The following GOLM2 variants were observed in gnomAD, a reference collection of about 807,000 sequenced individuals.
The protein encoded by GOLM2 is protein GOLM2.
In GOLM2, 26 loss-of-function variants were observed where a neutral mutation model predicts 55.9. The ratio of observed to expected loss-of-function variants is 0.47; its 90% CI spans 0.34 to 0.65. The LOEUF is 0.65. GOLM2 is among the 30% of genes least tolerant of loss of function. The pLI is 0.01. For missense variants in GOLM2, 486 were observed against 531.8 expected (o/e 0.91, Z 0.85); for synonymous variants, 165 against 194.6 (o/e 0.85, Z 1.27).
At chr15:44,329,180 C>A (rs145578204) in intron 3 of GOLM2, among the ~76,000 whole-genome samples, 2 of 152,184 alleles carry the variant, frequency 1.3e-5, no homozygotes, top group Admixed American at 6.5e-5. Context: ...GACTGAGTGC[C>A]GGCTGCTCTT....
chr15:44,395,418 C>T (rs1351321685), intron 8 of GOLM2, among the ~76,000 whole-genome samples: 1 of 151,800 alleles, frequency 6.6e-6, no homozygotes, highest in African/African-American at 2.4e-5. Flanking sequence ...ACTTATAGTA[C>T]AGAATTAAAA....
intron 1 of GOLM2, among the ~76,000 whole-genome samples, chr15:44,311,687 T>A (rs1471442777): frequency 1.3e-5 from 2 of 152,108 alleles, no homozygotes; most frequent in African/African-American, 4.8e-5. Context: ...TCTCTCCCTG[T>A]CACCCAGGCT....
rs553078895 is a variant in GOLM2 at position 44,325,308 on chromosome 15, A to G, written c.382+2289A>G. Reference sequence around the variant, plus strand: ...CAAATAGGAAATAATCATATTTTACATGGGCTAAAACTCATATTAATGTTT... The same window carrying G: ...CAAATAGGAAATAATCATATTTTACGTGGGCTAAAACTCATATTAATGTTT... On this transcript the variant is annotated intron_variant, in intron 2 of 9. Coordinates refer to ENST00000299957, the MANE Select transcript of GOLM2 (RefSeq NM_138423.4). Among the ~76,000 whole-genome samples the G allele has an allele frequency of 1.1e-4, 16 of 152,200 alleles. 1 individual carries two copies. The highest frequency in any genetic ancestry group is 2.4e-4 in the Non-Finnish European group (16 of 68,030).
At chr15:44,342,291 G>A (rs572722244) in intron 6 of GOLM2, among the ~76,000 whole-genome samples, 1 of 151,620 alleles carries the variant, frequency 6.6e-6, no homozygotes, top group East Asian at 1.9e-4. Flanking sequence ...TTGGGACAGG[G>A]TCTTGCTCTG....
At chr15:44,365,203 T>C (rs1263744277) in intron 6 of GOLM2, among the ~76,000 whole-genome samples, 1 of 152,152 alleles carries the variant, frequency 6.6e-6, no homozygotes, top group Non-Finnish European at 1.5e-5. Flanking sequence ...TATTTACCAC[T>C]GAAAGGAAAT....
intron 8 of GOLM2, among the ~76,000 whole-genome samples, chr15:44,392,166 C>T (rs1365914423): frequency 2.0e-5 from 3 of 151,514 alleles, no homozygotes; most frequent in Non-Finnish European, 2.9e-5. Flanking sequence ...TTCTTTCAAA[C>T]ATGAAAGAAT....
chr15:44,376,298 G>C (rs1008799491), intron 6 of GOLM2, among the ~76,000 whole-genome samples: 2 of 152,108 alleles, frequency 1.3e-5, no homozygotes, highest in East Asian at 1.9e-4. Context: ...TTTTAAGACA[G>C]TGTTTCCCTC....
At chr15:44,292,608 C>G (rs995588641) in intron 1 of GOLM2, among the ~76,000 whole-genome samples, 3 of 152,088 alleles carry the variant, frequency 2.0e-5, no homozygotes, top group Admixed American at 6.6e-5. Context: ...TTGCCTTGGG[C>G]TCACAAAGTG....
intron 2 of GOLM2, 57 bp downstream of exon 2, chr15:44,323,076 G>T: frequency 8.6e-7 from 1 of 1,166,266 alleles, no homozygotes; most frequent in South Asian, 1.6e-5. Flanking sequence ...GCCTAAAATT[G>T]TGAAGAATTA....
chr15:44,303,069 C>T, intron 1 of GOLM2, among the ~76,000 whole-genome samples: 1 of 151,528 alleles, frequency 6.6e-6, no homozygotes. Context: ...CGCCACTGCA[C>T]TCTAGCCTGG....
At chr15:44,360,341 T>C (rs1236246413) in intron 6 of GOLM2, among the ~76,000 whole-genome samples, 1 of 151,894 alleles carries the variant, frequency 6.6e-6, no homozygotes, top group East Asian at 1.9e-4. Flanking sequence ...AGGCTCAAAA[T>C]AGAAGCATGG....
chr15:44,398,367 A>G (rs2079541126), intron 8 of GOLM2, among the ~76,000 whole-genome samples: 1 of 152,210 alleles, frequency 6.6e-6, no homozygotes, highest in Admixed American at 6.6e-5. Flanking sequence ...ATGCAGTGGT[A>G]TGATCATAGC....
intron 1 of GOLM2, among the ~76,000 whole-genome samples, chr15:44,299,396 G>C (rs939063113): frequency 2.0e-5 from 3 of 151,612 alleles, no homozygotes; most frequent in Non-Finnish European, 4.4e-5. Context: ...GAGTTCAAGT[G>C]GTTCTCCTGC....
intron 1 of GOLM2, among the ~76,000 whole-genome samples, chr15:44,292,176 TATAC>T (rs1033626193): frequency 3.3e-5 from 5 of 149,444 alleles, no homozygotes; most frequent in Non-Finnish European, 4.4e-5. Flanking sequence ...TGTATATGTG[TATAC>T]ATACATATAT....
At chr15:44,300,424 T>C (rs1056292801) in intron 1 of GOLM2, among the ~76,000 whole-genome samples, 2 of 152,220 alleles carry the variant, frequency 1.3e-5, no homozygotes, top group South Asian at 4.1e-4. Flanking sequence ...CCTTTCTTAT[T>C]TTTGTATTTC....
intron 4 of GOLM2, among the ~76,000 whole-genome samples, chr15:44,333,520 G>A (rs944787013): frequency 1.3e-5 from 2 of 152,148 alleles, no homozygotes; most frequent in Non-Finnish European, 2.9e-5. Flanking sequence ...GGTGTTTAAG[G>A]ATGGATTGGT....
intron 8 of GOLM2, among the ~76,000 whole-genome samples, chr15:44,388,853 TCGC>T (rs1336585540): frequency 6.6e-6 from 1 of 151,968 alleles, no homozygotes; most frequent in Non-Finnish European, 1.5e-5. Flanking sequence ...TCTCGGTCTG[TCGC>T]CCGTGCTGGA....
chr15:44,399,520 G>A (rs1310544628), intron 8 of GOLM2, among the ~76,000 whole-genome samples: 2 of 151,974 alleles, frequency 1.3e-5, no homozygotes, highest in Non-Finnish European at 2.9e-5. Flanking sequence ...CTTAATTTAG[G>A]CTAGTCAGAT....
At position 44,411,013 on chromosome 15, in the gene GOLM2, C is replaced by CTTTT. The variant is rs201998296; in HGVS notation, c.1241-2300_1241-2297dup. On this transcript the variant is annotated intron_variant, in intron 9 of 9. Transcript: ENST00000299957. ...TGAAAAAGAAAGTTGGTTTGTTTGACTTTTTTTTTTTTTTTTTTTTTTTTT... is the reference window on the plus strand; with the variant it reads ...TGAAAAAGAAAGTTGGTTTGTTTGACTTTTTTTTTTTTTTTTTTTTTTTTTTTTT... Among the ~76,000 whole-genome samples, 73 of 81,334 alleles carry CTTTT rather than the reference C, an allele frequency of 9.0e-4. 6 individuals are homozygous for CTTTT. The highest frequency in any genetic ancestry group is 5.0e-3 in the South Asian group (11 of 2,210). The allele number at this position is 81,334 out of a possible 152,430, so 53.4% of individuals were successfully genotyped here.
Sources: gnomAD v4.1 joint callset for allele counts (sites outside exome capture counted in the v4.1 genomes callset) on GRCh38, gnomAD v4.1.1 for gene constraint, MANE v1.5 for transcripts, NCBI Gene and HGNC (gene_info 2026-07-23, HGNC 2026-07-21) for gene names.